The following IMMP2L variants were observed in gnomAD, a reference collection of about 807,000 sequenced individuals.
IMMP2L encodes mitochondrial inner membrane protease subunit 2.
A neutral mutation model predicts 19.3 loss-of-function variants in IMMP2L; 18 were observed. That is an observed-to-expected ratio of 0.93 (90% CI 0.64 to 1.38). The LOEUF is 1.38. Ranked by LOEUF, IMMP2L falls within the 40% of genes most tolerant of loss-of-function variation. IMMP2L has a pLI of 0.00. For synonymous variants in IMMP2L, 76 were observed against 73.0 expected, an observed-to-expected ratio of 1.04 and a Z score of -0.21; for missense variants, 233 against 218.2, an observed-to-expected ratio of 1.07 and a Z score of -0.43.
At chr7:111,151,554 C>T (rs952924779) in intron 3 of IMMP2L, among the ~76,000 whole-genome samples, 1 of 152,118 alleles carries the variant, frequency 6.6e-6, no homozygotes. Flanking sequence ...TGTGGACCTC[C>T]TAATTTTACC....
intron 3 of IMMP2L, among the ~76,000 whole-genome samples, chr7:111,148,064 A>G (rs1486170037): frequency 1.3e-5 from 2 of 152,154 alleles, no homozygotes; most frequent in African/African-American, 4.8e-5. Flanking sequence ...ACCAGTGTTC[A>G]TAGTAACATT....
At chr7:111,511,436 G>A (rs568269518) in intron 2 of IMMP2L, among the ~76,000 whole-genome samples, 8 of 152,106 alleles carry the variant, frequency 5.3e-5, no homozygotes, top group Admixed American at 4.6e-4. Flanking sequence ...CTTGAGCTCA[G>A]GAGTTTGAGA....
chr7:111,432,374 G>C (rs969151559), intron 3 of IMMP2L, among the ~76,000 whole-genome samples: 7 of 151,864 alleles, frequency 4.6e-5, no homozygotes, highest in African/African-American at 1.7e-4. Context: ...ACCATGATCA[G>C]GTGGGATTTA....
chr7:111,482,559 A>T (rs1340281333), intron 3 of IMMP2L, among the ~76,000 whole-genome samples: 2 of 152,074 alleles, frequency 1.3e-5, no homozygotes, highest in African/African-American at 4.8e-5. Context: ...AGCAGCTATA[A>T]ATTTGACTCG....
At chr7:110,767,763 A>T (rs909576102) in intron 5 of IMMP2L, among the ~76,000 whole-genome samples, 2 of 152,136 alleles carry the variant, frequency 1.3e-5, no homozygotes, top group Non-Finnish European at 1.5e-5. Context: ...ATCAAGCCCT[A>T]CTAAATCTAT....
chr7:111,419,856 T>C (rs1441681213), intron 3 of IMMP2L, among the ~76,000 whole-genome samples: 1 of 151,686 alleles, frequency 6.6e-6, no homozygotes, highest in East Asian at 1.9e-4. Context: ...CTGCCCTTAC[T>C]CAAAAAATAT....
At chr7:110,730,601 T>C (rs935127937) in intron 5 of IMMP2L, among the ~76,000 whole-genome samples, 6 of 151,684 alleles carry the variant, frequency 4.0e-5, no homozygotes, top group Non-Finnish European at 5.9e-5. Flanking sequence ...CTCGGCTCAC[T>C]GCAAGCTCCG....
At chr7:110,815,912 A>C (rs1289049125) in intron 5 of IMMP2L, among the ~76,000 whole-genome samples, 1 of 152,070 alleles carries the variant, frequency 6.6e-6, no homozygotes, top group Non-Finnish European at 1.5e-5. Context: ...CTTTTCAAAA[A>C]ACCAGCTCCT....
intron 2 of IMMP2L, among the ~76,000 whole-genome samples, chr7:111,487,603 C>T (rs994841606): frequency 2.6e-5 from 4 of 151,946 alleles, no homozygotes; most frequent in African/African-American, 9.7e-5. Context: ...TAGTAAACTC[C>T]AATAAAGAGG....
intron 3 of IMMP2L, among the ~76,000 whole-genome samples, chr7:111,433,470 C>G (rs1042130995): frequency 1.3e-5 from 2 of 151,694 alleles, no homozygotes; most frequent in Non-Finnish European, 2.9e-5. Flanking sequence ...AGCAGAAACC[C>G]CTTATCAAAC....
At chr7:110,669,044 TGTGTGTGC>T (rs56064521) in intron 5 of IMMP2L, among the ~76,000 whole-genome samples, 25,902 of 79,822 alleles carry the variant, frequency 0.32, 2,939 homozygotes, top group Admixed American at 0.35. Context: ...TGTGTGTGTG[TGTGTGTGC>T]GTGTGTGTGT....
intron 3 of IMMP2L, among the ~76,000 whole-genome samples, chr7:111,242,912 T>C (rs1256072054): frequency 1.3e-5 from 2 of 152,120 alleles, no homozygotes; most frequent in Admixed American, 6.6e-5. Context: ...TATTGTCCAA[T>C]TGTTCTCTAA....
chr7:111,211,756 T>G (rs1319556763), intron 3 of IMMP2L, among the ~76,000 whole-genome samples: 2 of 152,140 alleles, frequency 1.3e-5, no homozygotes, highest in African/African-American at 4.8e-5. Flanking sequence ...ACGCCTGTAA[T>G]CCCAACACTT....
At chr7:111,181,375 T>C (rs1400293351) in intron 3 of IMMP2L, among the ~76,000 whole-genome samples, 3 of 152,046 alleles carry the variant, frequency 2.0e-5, no homozygotes, top group African/African-American at 7.2e-5. Flanking sequence ...TATTTTCTTA[T>C]TTGTTTGTTT....
At chr7:111,464,681 T>C (rs188936392) in intron 3 of IMMP2L, among the ~76,000 whole-genome samples, 43 of 151,762 alleles carry the variant, frequency 2.8e-4, no homozygotes, top group African/African-American at 1.0e-3. Context: ...GTTTTTCCCT[T>C]GACCTACACA....
chr7:111,415,591 T>C (rs865879057), intron 3 of IMMP2L, among the ~76,000 whole-genome samples: 1 of 151,868 alleles, frequency 6.6e-6, no homozygotes, highest in East Asian at 1.9e-4. Context: ...ATTTTGACAA[T>C]TGAAGTGAAT....
intron 3 of IMMP2L, among the ~76,000 whole-genome samples, chr7:111,212,620 A>C (rs1238047015): frequency 2.0e-5 from 3 of 151,870 alleles, no homozygotes; most frequent in Non-Finnish European, 2.9e-5. Context: ...ACTACCACCC[A>C]AAAAAAAGGG....
At chr7:110,773,827 C>CTTT (rs5886574) in intron 5 of IMMP2L, among the ~76,000 whole-genome samples, 35 of 135,788 alleles carry the variant, frequency 2.6e-4, no homozygotes, top group African/African-American at 8.1e-4. Context: ...ATAGTCTATT[C>CTTT]TTTTTTTTTT....
chr7:111,015,281 G>A (rs983685877), intron 3 of IMMP2L, among the ~76,000 whole-genome samples: 1 of 152,130 alleles, frequency 6.6e-6, no homozygotes, highest in Non-Finnish European at 1.5e-5. Flanking sequence ...AAAACGTTAT[G>A]CTGAGTGAAA....
Sources: gnomAD v4.1 joint callset for allele counts (sites outside exome capture counted in the v4.1 genomes callset) on GRCh38, gnomAD v4.1.1 for gene constraint, MANE v1.5 for transcripts, NCBI Gene and HGNC (gene_info 2026-07-23, HGNC 2026-07-21) for gene names.